NEDD9: variants seen among roughly 807,000 people sequenced by gnomAD.
The protein encoded by NEDD9 is enhancer of filamentation 1.
NEDD9 carries 26 observed loss-of-function variants against 76.6 expected under a neutral mutation model. The observed-to-expected ratio is 0.34, with a 90% CI of 0.25 to 0.47. The LOEUF is 0.47. Ranked by LOEUF, NEDD9 falls within the 20% of genes least tolerant of loss-of-function variation. The pLI is 1.00. For missense variants in NEDD9, 937 were observed against 1,058.5 expected, an observed-to-expected ratio of 0.89 and a Z score of 1.59; for synonymous variants, 392 against 414.2, an observed-to-expected ratio of 0.95 and a Z score of 0.65.
At position 11,361,787 on chromosome 6, in the gene NEDD9, C is replaced by A. The variant is rs577070378; in HGVS notation, c.-214+20352G>T. Among the ~76,000 whole-genome samples the A allele has an allele frequency of 2.0e-5, 3 of 152,184 alleles. No homozygotes were observed. The East Asian group carries it at 5.8e-4, about 29-fold the overall frequency. The stretch of plus-strand genomic sequence containing the variant: ...ACAATCTAATTGCGACCCTAAAGAA[C>A]AACATTCAGCATCACAATGGAAGCT... On this transcript the variant is annotated intron_variant, in intron 1 of 3. Transcript: ENST00000397378.
intron 1 of NEDD9, among the ~76,000 whole-genome samples, chr6:11,378,712 T>C (rs1412344774): frequency 1.3e-5 from 2 of 152,244 alleles, no homozygotes; most frequent in Non-Finnish European, 2.9e-5. Flanking sequence ...CATGTATCAC[T>C]TTCCTTGGAA....
intron 1 of NEDD9, among the ~76,000 whole-genome samples, chr6:11,378,298 C>A (rs1032884223): frequency 6.6e-6 from 1 of 152,060 alleles, no homozygotes; most frequent in African/African-American, 2.4e-5. Context: ...TTCTTGCTCC[C>A]ACTCTTGCCA....
chr6:11,314,243 C>T (rs1033661468), intron 2 of NEDD9, among the ~76,000 whole-genome samples: 2 of 152,200 alleles, frequency 1.3e-5, no homozygotes, highest in Admixed American at 1.3e-4. Context: ...ATAACTGTGG[C>T]TGCTCCATCT....
chr6:11,245,724 T>C (rs1421315385), intron 3 of NEDD9, among the ~76,000 whole-genome samples: 2 of 152,244 alleles, frequency 1.3e-5, no homozygotes, highest in Non-Finnish European at 2.9e-5. Context: ...TTAGAGCCAA[T>C]GCCAAAGTGC....
At chr6:11,381,805 T>G (rs1385157972) in intron 1 of NEDD9, among the ~76,000 whole-genome samples, 1 of 152,012 alleles carries the variant, frequency 6.6e-6, no homozygotes, top group African/African-American at 2.4e-5. Flanking sequence ...TCAGGAAAAA[T>G]AAAAGCTTAG....
At chr6:11,258,557 C>T (rs1760049449) in intron 3 of NEDD9, 2 of 151,818 alleles carry the variant, frequency 1.3e-5, no homozygotes, top group Admixed American at 1.3e-4. Flanking sequence ...GCCAATTTAT[C>T]GTCTGAGTTC....
chr6:11,209,278 T>G lies in NEDD9; in HGVS notation c.459+4003A>C, dbSNP rs1758701632. 5.3e-5 allele frequency among the ~76,000 whole-genome samples: 8 copies of G among 152,236 alleles called. 1 individual carries two copies. The highest frequency in any genetic ancestry group is 5.2e-4 in the Admixed American group (8 of 15,284). On this transcript the variant is annotated intron_variant, in intron 2 of 6. Transcript: ENST00000379446. ...ACATTCTTATAGGCACTGGGCATAT[T>G]GCCTACAACGCCTAATGGATAAAAC... is the stretch of plus-strand genomic sequence containing the variant.
At chr6:11,324,880 A>C (rs1761888321) in intron 2 of NEDD9, among the ~76,000 whole-genome samples, 1 of 152,252 alleles carries the variant, frequency 6.6e-6, no homozygotes. Flanking sequence ...ATTCTAAGAA[A>C]CACATATGAC....
chr6:11,319,412 A>C (rs950279930), intron 2 of NEDD9, among the ~76,000 whole-genome samples: 5 of 151,768 alleles, frequency 3.3e-5, no homozygotes, highest in African/African-American at 9.7e-5. Flanking sequence ...ATGCACCCTC[A>C]CATACAGTCA....
chr6:11,214,971 A>G (rs980224025), intron 1 of NEDD9, among the ~76,000 whole-genome samples: 2 of 151,990 alleles, frequency 1.3e-5, no homozygotes, highest in Admixed American at 6.6e-5. Context: ...TTTGCTGTCT[A>G]TTTTCTTCTC....
At chr6:11,286,799 G>A (rs1019326894) in intron 3 of NEDD9, among the ~76,000 whole-genome samples, 3 of 152,164 alleles carry the variant, frequency 2.0e-5, no homozygotes, top group Admixed American at 2.0e-4. Context: ...CAGATTAACG[G>A]TTGCCTAGGA....
intron 1 of NEDD9, among the ~76,000 whole-genome samples, chr6:11,337,733 C>G (rs1443847302): frequency 6.6e-6 from 1 of 152,156 alleles, no homozygotes; most frequent in East Asian, 1.9e-4. Context: ...TTGCTGTGTG[C>G]ACATGCCTTT....
intron 3 of NEDD9, among the ~76,000 whole-genome samples, chr6:11,269,203 T>TG (rs1270104988): frequency 6.6e-6 from 1 of 152,234 alleles, no homozygotes; most frequent in Non-Finnish European, 1.5e-5. Flanking sequence ...TCTGGTTAGG[T>TG]GACAGGTCAT....
intron 3 of NEDD9, among the ~76,000 whole-genome samples, chr6:11,296,720 CCTTT>C (rs1303314811): frequency 2.1e-5 from 3 of 144,220 alleles, no homozygotes; most frequent in Non-Finnish European, 4.6e-5. Context: ...TTCCTTCCTT[CCTTT>C]CTTTTCTTTC....
chr6:11,292,139 G>A (rs1309883395), intron 3 of NEDD9, among the ~76,000 whole-genome samples: 1 of 152,174 alleles, frequency 6.6e-6, no homozygotes, highest in Admixed American at 6.5e-5. Context: ...CTGAGTGAAA[G>A]TGCCATTTTC....
Position 11,238,991 on chromosome 6 carries a change from C to T in NEDD9, c.13-25264G>A, listed in dbSNP as rs1001556229. ...CCTGGGCAATATAGCAAGACTCCAA[C>T]TCTACAGAAATAAAAATTAAAAAAA... On this transcript the variant is annotated intron_variant, in intron 3 of 3. Transcript: ENST00000397378. Among the ~76,000 whole-genome samples, 94 of 152,148 alleles carry T rather than the reference C, an allele frequency of 6.2e-4. 1 individual carries two copies. The highest frequency in any genetic ancestry group is 2.1e-3 in the African/African-American group (88 of 41,488).
chr6:11,237,058 G>T (rs1367394255), upstream of NEDD9, among the ~76,000 whole-genome samples: 1 of 152,100 alleles, frequency 6.6e-6, no homozygotes, highest in Non-Finnish European at 1.5e-5. The surrounding 1 kb of genome is among the most constrained non-coding windows in gnomAD (Gnocchi z 4.9). Flanking sequence ...CTGCTGTCAA[G>T]TTTGGCCTCA....
upstream of NEDD9, chr6:11,233,173 C>T: frequency 3.9e-6 from 2 of 509,614 alleles, no homozygotes; most frequent in South Asian, 2.8e-5. Flanking sequence ...TTTTCTTTCC[C>T]CCTCCTCCCG....
chr6:11,192,034 C>T (rs1176008375), intron 4 of NEDD9, among the ~76,000 whole-genome samples: 1 of 152,098 alleles, frequency 6.6e-6, no homozygotes, highest in Non-Finnish European at 1.5e-5. Flanking sequence ...AAAACAAACC[C>T]TCTACAAATA....
Sources: gnomAD v4.1 joint callset for allele counts (sites outside exome capture counted in the v4.1 genomes callset) on GRCh38, gnomAD v4.1.1 for gene constraint, Gnocchi (gnomAD v3.1) non-coding constraint, MANE v1.5 for transcripts, NCBI Gene and HGNC (gene_info 2026-07-23, HGNC 2026-07-21) for gene names.